The following RPS6KC1 variants were observed in gnomAD, a reference collection of about 807,000 sequenced individuals.
RPS6KC1 encodes the protein ribosomal protein S6 kinase C1.
A neutral mutation model predicts 103.8 loss-of-function variants in RPS6KC1; 54 were observed. That is an observed-to-expected ratio of 0.52 (90% CI 0.42 to 0.65). RPS6KC1 has a LOEUF of 0.65. Among genes scored for constraint, RPS6KC1 ranks in the 30% least tolerant of loss-of-function variants. The pLI, the probability that RPS6KC1 is intolerant of heterozygous loss-of-function variation, is 0.00. For missense variants in RPS6KC1, 1,151 were observed against 1,253.8 expected (o/e 0.92, Z 1.24); for synonymous variants, 439 against 438.7 (o/e 1.00, Z -0.01).
intron 10 of RPS6KC1, 102 bp from the exon 11 acceptor site, chr1:213,240,595 CTTGTT>C: frequency 1.1e-6 from 1 of 915,966 alleles, no homozygotes; most frequent in Non-Finnish European, 1.7e-6. Context: ...ATATTATTGA[CTTGTT>C]TTGATTGATT....
intron 6 of RPS6KC1, among the ~76,000 whole-genome samples, chr1:213,141,846 A>G (rs1424287040): frequency 1.4e-5 from 2 of 147,028 alleles, no homozygotes; most frequent in East Asian, 3.9e-4. Context: ...TTTTTTCATT[A>G]GTTTTGTTGG....
At chr1:213,527,866 T>C in the RPS6KC1 span, among the ~76,000 whole-genome samples, 1 of 152,276 alleles carries the variant, frequency 6.6e-6, no homozygotes, top group East Asian at 1.9e-4. Flanking sequence ...ACATACATTT[T>C]GTATGTTATA....
At chr1:213,234,497 A>C (rs576699016) in intron 10 of RPS6KC1, among the ~76,000 whole-genome samples, 1 of 152,342 alleles carries the variant, frequency 6.6e-6, no homozygotes. Flanking sequence ...AGAAGTTCTG[A>C]ATGGCAAAAG....
the RPS6KC1 span, among the ~76,000 whole-genome samples, chr1:213,390,338 A>C: frequency 6.6e-6 from 1 of 152,242 alleles, no homozygotes; most frequent in Non-Finnish European, 1.5e-5. Flanking sequence ...TGAAATAAAA[A>C]TGTTTGCATC....
At chr1:213,789,152 AG>A in the RPS6KC1 span, among the ~76,000 whole-genome samples, 1 of 152,128 alleles carries the variant, frequency 6.6e-6, no homozygotes, top group African/African-American at 2.4e-5. Context: ...GGGAAAAGAA[AG>A]GTTGGAATTT....
At chr1:213,200,861 A>G (rs2093137237) in intron 8 of RPS6KC1, among the ~76,000 whole-genome samples, 1 of 152,236 alleles carries the variant, frequency 6.6e-6, no homozygotes, top group African/African-American at 2.4e-5. Context: ...CAACAATCTT[A>G]TGCAGGAACA....
At chr1:213,473,256 T>C in the RPS6KC1 span, among the ~76,000 whole-genome samples, 1 of 152,218 alleles carries the variant, frequency 6.6e-6, no homozygotes, top group Non-Finnish European at 1.5e-5. Flanking sequence ...GTCAGGCCAG[T>C]AGCTGACCTC....
the RPS6KC1 span, among the ~76,000 whole-genome samples, chr1:213,357,648 C>A: frequency 6.6e-6 from 1 of 152,206 alleles, no homozygotes; most frequent in Non-Finnish European, 1.5e-5. Flanking sequence ...CTCACTAGGG[C>A]CACCCCTGGT....
the RPS6KC1 span, among the ~76,000 whole-genome samples, chr1:213,334,815 TTATC>T: frequency 6.6e-6 from 1 of 152,220 alleles, no homozygotes; most frequent in South Asian, 2.1e-4. Context: ...ACATCTATAT[TTATC>T]TATCCATTTC....
At chr1:213,445,850 G>A in the RPS6KC1 span, among the ~76,000 whole-genome samples, 1 of 152,140 alleles carries the variant, frequency 6.6e-6, no homozygotes, top group Non-Finnish European at 1.5e-5. Flanking sequence ...TCGCATTCAT[G>A]GTGCACAAAG....
At chr1:213,612,292 G>T in the RPS6KC1 span, among the ~76,000 whole-genome samples, 5 of 152,204 alleles carry the variant, frequency 3.3e-5, no homozygotes, top group Non-Finnish European at 7.3e-5. Context: ...GGTTCAATTA[G>T]AACTCCTGCA....
At chr1:213,382,207 T>C in the RPS6KC1 span, among the ~76,000 whole-genome samples, 3 of 152,260 alleles carry the variant, frequency 2.0e-5, no homozygotes, top group South Asian at 4.2e-4. Context: ...ACACTTACAA[T>C]ATACACACTT....
chr1:213,437,778 T>C, the RPS6KC1 span, among the ~76,000 whole-genome samples: 1 of 151,880 alleles, frequency 6.6e-6, no homozygotes, highest in East Asian at 1.9e-4. Flanking sequence ...TTCGCTGGGA[T>C]TTTTTTAGCT....
the RPS6KC1 span, among the ~76,000 whole-genome samples, chr1:213,352,700 C>A: frequency 6.6e-6 from 1 of 152,138 alleles, no homozygotes; most frequent in African/African-American, 2.4e-5. Flanking sequence ...CAGAGTTTAA[C>A]CCAGTTGTGT....
the RPS6KC1 span, among the ~76,000 whole-genome samples, chr1:213,798,880 A>G: frequency 2.0e-5 from 3 of 152,134 alleles, no homozygotes; most frequent in African/African-American, 7.2e-5. Context: ...TATTCACCCT[A>G]AGGTAATACA....
At chr1:213,488,415 T>G in the RPS6KC1 span, among the ~76,000 whole-genome samples, 6 of 152,210 alleles carry the variant, frequency 3.9e-5, no homozygotes, top group African/African-American at 1.2e-4. Context: ...TACTGACAGA[T>G]ATCCAACCCT....
intron 8 of RPS6KC1, among the ~76,000 whole-genome samples, chr1:213,216,216 G>A (rs959615682): frequency 3.9e-5 from 6 of 152,066 alleles, no homozygotes; most frequent in Non-Finnish European, 5.9e-5. Flanking sequence ...AAAAAAGGCA[G>A]GTGTTGCAAT....
the RPS6KC1 span, among the ~76,000 whole-genome samples, chr1:213,568,331 T>C: frequency 1.3e-5 from 2 of 152,214 alleles, no homozygotes; most frequent in Middle Eastern, 3.2e-3. Flanking sequence ...ACCAGATTAG[T>C]GCCAGTCTTT....
At chr1:213,389,648 C>T in the RPS6KC1 span, among the ~76,000 whole-genome samples, 16 of 152,218 alleles carry the variant, frequency 1.1e-4, no homozygotes, top group Non-Finnish European at 2.2e-4. Flanking sequence ...TGAGTCTCTG[C>T]TCTCTCCTGA....
Sources: allele counts gnomAD v4.1 joint callset (sites outside exome capture counted in the v4.1 genomes callset), GRCh38; gene constraint gnomAD v4.1.1; transcripts MANE v1.5; gene names NCBI Gene and HGNC (gene_info 2026-07-23, HGNC 2026-07-21).